The following TENM3 variants were observed in gnomAD, a reference collection of about 807,000 sequenced individuals.
TENM3 encodes the protein teneurin-3.
In TENM3, 63 loss-of-function variants were observed where a neutral mutation model predicts 255.1. The ratio of observed to expected loss-of-function variants is 0.25; its 90% confidence interval spans 0.20 to 0.30. The LOEUF (loss-of-function observed/expected upper bound fraction) is 0.30. Among genes scored for constraint, TENM3 ranks in the 10% least tolerant of loss-of-function variants. TENM3 has a pLI of 1.00. For synonymous variants in TENM3, 1,306 were observed against 1,322.3 expected (o/e 0.99, Z 0.27); for missense variants, 2,929 against 3,461.1 (o/e 0.85, Z 3.86).
At chr4:182,630,773 T>TTA (rs34823783) in intron 5 of TENM3, among the ~76,000 whole-genome samples, 1 of 148,736 alleles carries the variant, frequency 6.7e-6, no homozygotes, top group African/African-American at 2.5e-5. Flanking sequence ...ATTATTATTA[T>TTA]TTTTTTTTTA....
the TENM3 span, among the ~76,000 whole-genome samples, chr4:181,647,194 T>C: frequency 6.6e-6 from 1 of 152,172 alleles, no homozygotes; most frequent in Non-Finnish European, 1.5e-5. Flanking sequence ...AAGCAACAAC[T>C]TCACAGATAA....
intron 4 of TENM3, among the ~76,000 whole-genome samples, chr4:182,625,395 T>G (rs1271048477): frequency 6.6e-6 from 1 of 152,006 alleles, no homozygotes; most frequent in Non-Finnish European, 1.5e-5. Context: ...AACGCTGTTG[T>G]GAACTGCGCA....
At chr4:181,519,641 T>C in the TENM3 span, among the ~76,000 whole-genome samples, 2 of 152,350 alleles carry the variant, frequency 1.3e-5, no homozygotes, top group South Asian at 2.1e-4. Flanking sequence ...ATTTTAAGCT[T>C]ATAGATTGTT....
chr4:182,241,772 G>T (rs1391939999), upstream of TENM3, among the ~76,000 whole-genome samples: 1 of 151,892 alleles, frequency 6.6e-6, no homozygotes, highest in Non-Finnish European at 1.5e-5. Flanking sequence ...CTCCCAAAGT[G>T]CTGGGATTAC....
chr4:182,796,017 T>G (rs1389068752), intron 26 of TENM3, among the ~76,000 whole-genome samples: 3 of 152,200 alleles, frequency 2.0e-5, no homozygotes, highest in African/African-American at 7.2e-5. Flanking sequence ...CCGGGTTCTC[T>G]CCCCAAAAAG....
chr4:182,699,714 G>A lies in TENM3; in HGVS notation c.2221+11363G>A, dbSNP rs556970800. On this transcript the variant is annotated intron_variant, in intron 12 of 27. Coordinates refer to ENST00000511685, the MANE Select transcript of TENM3 (RefSeq NM_001080477.4). ...GAGACATGTTATCTGAATAAAAGCC[G>A]AGTAAGTGATATGTCAAATTCATAT... is the stretch of plus-strand genomic sequence containing the variant. Among the ~76,000 whole-genome samples, 101 of 152,150 alleles carry A rather than the reference G, an allele frequency of 6.6e-4. 2 individuals carry two copies. In the South Asian group the frequency reaches 0.02, roughly 31 times the overall value.
intron 1 of TENM3, among the ~76,000 whole-genome samples, chr4:182,266,891 C>T (rs1308386968): frequency 6.6e-6 from 1 of 152,148 alleles, no homozygotes; most frequent in African/African-American, 2.4e-5. Flanking sequence ...TTAATAGTGG[C>T]TGTCCTAAAA....
chr4:181,883,589 C>T, the TENM3 span, among the ~76,000 whole-genome samples: 6 of 152,132 alleles, frequency 3.9e-5, no homozygotes, highest in Non-Finnish European at 8.8e-5. Flanking sequence ...ATTCTCCTGC[C>T]TCAGCCTCCC....
intron 2 of TENM3, among the ~76,000 whole-genome samples, chr4:182,345,802 G>A (rs1271221695): frequency 6.6e-6 from 1 of 152,050 alleles, no homozygotes; most frequent in East Asian, 1.9e-4. Flanking sequence ...CAATTTATTA[G>A]TAAAGGCCTG....
the TENM3 span, among the ~76,000 whole-genome samples, chr4:181,521,561 G>A: frequency 2.0e-5 from 3 of 152,088 alleles, no homozygotes; most frequent in East Asian, 1.9e-4. Flanking sequence ...CTTGACATGC[G>A]TAATCGTAAC....
chr4:181,934,888 G>GAA, the TENM3 span, among the ~76,000 whole-genome samples: 1 of 152,106 alleles, frequency 6.6e-6, no homozygotes, highest in African/African-American at 2.4e-5. Context: ...ATTTTTTAAT[G>GAA]AAAAAAATTG....
the TENM3 span, among the ~76,000 whole-genome samples, chr4:181,588,016 G>A: frequency 6.6e-6 from 1 of 152,228 alleles, no homozygotes; most frequent in East Asian, 1.9e-4. Flanking sequence ...CAAACTGCAG[G>A]GTGGAAGTGA....
At chr4:182,712,123 A>AT (rs1368400385) in intron 12 of TENM3, among the ~76,000 whole-genome samples, 4 of 152,226 alleles carry the variant, frequency 2.6e-5, no homozygotes, top group East Asian at 1.9e-4. Flanking sequence ...GTGTTTTGTT[A>AT]TTTTTTAAAA....
the TENM3 span, among the ~76,000 whole-genome samples, chr4:181,580,201 T>G: frequency 2.6e-5 from 4 of 151,984 alleles, no homozygotes; most frequent in Non-Finnish European, 5.9e-5. Context: ...TTTCTCCATG[T>G]TGCTCAGGCT....
In TENM3 at chr4:182,553,189, G is replaced by T. The variant is rs77300174; in HGVS notation, c.512-47735G>T. Among the ~76,000 whole-genome samples, 1,057 of 152,214 alleles carry T rather than the reference G, an allele frequency of 6.9e-3. 81 individuals carry two copies. In the East Asian group the frequency reaches 0.16, roughly 24 times the overall value. Reference sequence around the variant, plus strand: ...TGCACACTGCAGCCTCGAGCATCTGGGCTGAAGGCTTCCTCTTGCCTCAGC... The same window carrying T: ...TGCACACTGCAGCCTCGAGCATCTGTGCTGAAGGCTTCCTCTTGCCTCAGC... On this transcript the variant is annotated intron_variant, in intron 3 of 27. Transcript: ENST00000511685.
the TENM3 span, among the ~76,000 whole-genome samples, chr4:181,496,789 A>T: frequency 6.6e-6 from 1 of 152,202 alleles, no homozygotes; most frequent in East Asian, 1.9e-4. Flanking sequence ...ACAGTGTGTT[A>T]CTGTTTTTAT....
chr4:181,561,979 T>A, the TENM3 span, among the ~76,000 whole-genome samples: 1 of 152,192 alleles, frequency 6.6e-6, no homozygotes, highest in Non-Finnish European at 1.5e-5. Context: ...CTTTTTTAAT[T>A]TTGTCTAATT....
chr4:182,497,878 A>ATG lies in TENM3; in HGVS notation c.512-103045_512-103044insGT, dbSNP rs1553966184. On this transcript the variant is annotated intron_variant, in intron 3 of 27. Transcript: ENST00000511685. ...TATATATATATATATATATATATAT[A>ATG]TATATCTCAACCTAGATGTATATAG... is the stretch of plus-strand genomic sequence containing the variant. Among the ~76,000 whole-genome samples, 155 of 143,054 alleles carry ATG rather than the reference A, an allele frequency of 1.1e-3. 2 individuals are homozygous for ATG. The highest frequency in any genetic ancestry group is 3.6e-3 in the Middle Eastern group (1 of 278). The allele number at this position is 143,054 out of a possible 152,430, so 93.8% of individuals were successfully genotyped here.
At chr4:182,185,509 C>T (rs995004912) in intron 1 of TENM3, among the ~76,000 whole-genome samples, 1 of 152,218 alleles carries the variant, frequency 6.6e-6, no homozygotes, top group Admixed American at 6.5e-5. Context: ...AAAAAACTTT[C>T]ATTCTTACCT....
Sources: allele counts gnomAD v4.1 joint callset (sites outside exome capture counted in the v4.1 genomes callset), GRCh38; gene constraint gnomAD v4.1.1; transcripts MANE v1.5; gene names NCBI Gene and HGNC (gene_info 2026-07-23, HGNC 2026-07-21).